The following BNC2 variants were observed in gnomAD, a reference collection of about 807,000 sequenced individuals.
The protein encoded by BNC2 is basonuclin zinc finger protein 2, also known as zinc finger protein basonuclin-2.
BNC2 carries 20 observed loss-of-function variants against 76.3 expected under a neutral mutation model. The ratio of observed to expected loss-of-function variants is 0.26; its 90% CI spans 0.18 to 0.38. BNC2 has a LOEUF of 0.38. BNC2 is among the 10% of genes least tolerant of loss of function. The pLI, the probability that BNC2 is intolerant of heterozygous loss-of-function variation, is 1.00. For missense variants in BNC2, 1,382 were observed against 1,399.8 expected (o/e 0.99, Z 0.20); for synonymous variants, 582 against 514.8 (o/e 1.13, Z -1.77).
At chr9:16,449,793 G>A (rs1821301362) in intron 5 of BNC2, among the ~76,000 whole-genome samples, 1 of 150,234 alleles carries the variant, frequency 6.7e-6, no homozygotes, top group Non-Finnish European at 1.5e-5. Flanking sequence ...ATGGAAATGG[G>A]GGTGAATGGG....
intron 1 of BNC2, among the ~76,000 whole-genome samples, chr9:16,851,005 A>G (rs1819114878): frequency 6.6e-6 from 1 of 151,902 alleles, no homozygotes; most frequent in Non-Finnish European, 1.5e-5. Flanking sequence ...ATTTTAAGCT[A>G]TGACACCATC....
At chr9:16,820,979 T>G (rs1818314010) in intron 1 of BNC2, among the ~76,000 whole-genome samples, 1 of 151,966 alleles carries the variant, frequency 6.6e-6, no homozygotes, top group African/African-American at 2.4e-5. Context: ...AGCACTGTAA[T>G]CCCAGAACGT....
chr9:16,595,640 A>G (rs1820044579), intron 3 of BNC2, among the ~76,000 whole-genome samples: 2 of 152,196 alleles, frequency 1.3e-5, no homozygotes, highest in Admixed American at 6.5e-5. Context: ...AAATTCCACA[A>G]ATTTCTATGA....
At position 16,738,235 on chromosome 9, in the gene BNC2, G is replaced by A. The variant is rs914410868; in HGVS notation, c.129+125C>T. On this transcript the variant is annotated intron_variant, in intron 2 of 6. Coordinates refer to ENST00000380672, the MANE Select transcript of BNC2 (RefSeq NM_017637.6). ...TAAATACCTGAGTTTCATAGAATGA[G>A]GATAAGTATGAAAGACAGTAAAAGA... The A allele has an allele frequency of 5.9e-5, 63 of 1,060,110 alleles. 1 individual carries two copies. The highest frequency in any genetic ancestry group is 7.4e-5 in the Non-Finnish European group (52 of 702,994). 65.7% of individuals were successfully genotyped at this position (1,060,110 alleles called of 1,614,324 possible).
At chr9:16,478,440 T>A (rs1406670818) in intron 5 of BNC2, among the ~76,000 whole-genome samples, 1 of 152,230 alleles carries the variant, frequency 6.6e-6, no homozygotes, top group Non-Finnish European at 1.5e-5. Flanking sequence ...CTGTTGTTAA[T>A]GAGCAAAGAC....
chr9:16,499,872 G>T (rs887024687), intron 5 of BNC2, among the ~76,000 whole-genome samples: 12 of 152,022 alleles, frequency 7.9e-5, no homozygotes, highest in Non-Finnish European at 1.8e-4. Flanking sequence ...GGTTCTCCTG[G>T]CTAAGAAAAT....
chr9:16,765,199 G>A (rs1042713795), intron 1 of BNC2, among the ~76,000 whole-genome samples: 1 of 152,142 alleles, frequency 6.6e-6, no homozygotes, highest in Non-Finnish European at 1.5e-5. Context: ...TACACAAAGA[G>A]ACAGTCTTAT....
chr9:16,635,570 T>C (rs979528627), intron 3 of BNC2, among the ~76,000 whole-genome samples: 1 of 152,192 alleles, frequency 6.6e-6, no homozygotes, highest in Admixed American at 6.5e-5. Context: ...CAAAAAATAA[T>C]TGTGATTAGG....
intron 1 of BNC2, among the ~76,000 whole-genome samples, chr9:16,754,453 T>G (rs1825316522): frequency 6.6e-6 from 1 of 152,226 alleles, no homozygotes; most frequent in Admixed American, 6.5e-5. Context: ...CACTGCTATT[T>G]TAATCCAGAT....
chr9:16,672,207 T>G (rs548985725), intron 3 of BNC2, among the ~76,000 whole-genome samples: 1 of 152,196 alleles, frequency 6.6e-6, no homozygotes, highest in East Asian at 1.9e-4. Flanking sequence ...ATTGAAAATG[T>G]TTAACATTGG....
chr9:16,720,039 G>A (rs1824103409), intron 3 of BNC2, among the ~76,000 whole-genome samples: 2 of 152,178 alleles, frequency 1.3e-5, no homozygotes, highest in South Asian at 4.1e-4. Context: ...ACAGGCTAAG[G>A]ATCAAATTGA....
intron 3 of BNC2, among the ~76,000 whole-genome samples, chr9:16,620,090 G>A (rs1175647490): frequency 1.3e-5 from 2 of 152,166 alleles, no homozygotes; most frequent in Non-Finnish European, 2.9e-5. Context: ...TGTAATGAAT[G>A]ACAGAACACA....
chr9:16,829,380 ACT>A (rs1332774466), intron 1 of BNC2, among the ~76,000 whole-genome samples: 2 of 151,932 alleles, frequency 1.3e-5, no homozygotes, highest in African/African-American at 4.8e-5. Flanking sequence ...ATACTCAAGC[ACT>A]CTTTTTATTA....
intron 2 of BNC2, among the ~76,000 whole-genome samples, chr9:16,728,511 T>C (rs1472171212): frequency 1.3e-5 from 2 of 152,176 alleles, no homozygotes; most frequent in Non-Finnish European, 2.9e-5. Flanking sequence ...AGTCTTTGGC[T>C]TTAACATTTG....
chr9:16,805,855 C>T lies in BNC2; in HGVS notation c.3+64791G>A, dbSNP rs533734348. 1.3e-4 allele frequency among the ~76,000 whole-genome samples: 20 copies of T among 152,210 alleles called. No individual in the cohort carries two copies. In the East Asian group the frequency reaches 3.9e-3, roughly 29 times the overall value. ...AGATGGGAATGTGAAAAGTTTGATG[C>T]TCAGGCATTAAATACTGATACATTA... On this transcript the variant is annotated intron_variant, in intron 1 of 6. Transcript: ENST00000380672.
intron 3 of BNC2, among the ~76,000 whole-genome samples, chr9:16,630,212 A>T (rs1821121359): frequency 1.3e-5 from 2 of 152,250 alleles, no homozygotes; most frequent in African/African-American, 4.8e-5. Flanking sequence ...ATTTTAAAAA[A>T]ATATTGACTC....
Position 16,832,251 on chromosome 9 carries a change from A to G in BNC2, c.3+38395T>C, listed in dbSNP as rs1000094765. ...TTACATGTAGTTAAATACCAGTAGA[A>G]GAGAAAATCTAGAAGGTTCTTTGAC... On this transcript the variant is annotated intron_variant, in intron 1 of 6. Transcript: ENST00000380672. 16 of 1,276,284 alleles carry G rather than the reference A, an allele frequency of 1.3e-5. No homozygotes were observed. In the African/African-American group the frequency reaches 2.1e-4, roughly 17 times the overall value. The allele number at this position is 1,276,284 out of a possible 1,614,324, so 79.1% of individuals were successfully genotyped here.
intron 3 of BNC2, among the ~76,000 whole-genome samples, chr9:16,584,247 T>C (rs1343376570): frequency 6.6e-6 from 1 of 152,160 alleles, no homozygotes; most frequent in African/African-American, 2.4e-5. Flanking sequence ...CTGAAAGCCA[T>C]GCTCACTCAC....
intron 5 of BNC2, among the ~76,000 whole-genome samples, chr9:16,500,277 C>T (rs1011779526): frequency 4.0e-5 from 6 of 151,200 alleles, no homozygotes; most frequent in Non-Finnish European, 5.9e-5. Context: ...TTTTAGTAAC[C>T]TTGCCTGTCC....
Sources: allele counts gnomAD v4.1 joint callset (sites outside exome capture counted in the v4.1 genomes callset), GRCh38; gene constraint gnomAD v4.1.1; transcripts MANE v1.5; gene names NCBI Gene and HGNC (gene_info 2026-07-23, HGNC 2026-07-21).